Variants in MARS1 observed in about 807,000 individuals in gnomAD.
MARS1 encodes the protein methionyl-tRNA synthetase 1.
MARS1 carries 80 observed loss-of-function variants against 119.5 expected under a neutral mutation model. The observed-to-expected ratio is 0.67, with a 90% CI of 0.56 to 0.81. The LOEUF is 0.81. Ranked by LOEUF, MARS1 falls within the 30% of genes least tolerant of loss-of-function variation. The pLI, the probability that MARS1 is intolerant of heterozygous loss-of-function variation, is 0.00. For missense variants in MARS1, 945 were observed against 1,116.5 expected (o/e 0.85, Z 2.19); for synonymous variants, 418 against 433.4 (o/e 0.96, Z 0.44).
In MARS1 at chr12:57,516,344, A is replaced by C. The variant is rs1594838342; in HGVS notation, c.2556+7A>C. ...GGATGAAGTGACAAAACAAGTATGA[A>C]GCTTAAGCCCTGTGGGAGACTGGAC... On this transcript the variant is annotated splice_region_variant and intron_variant, in intron 20 of 20. Transcript: ENST00000262027. The C allele has an allele frequency of 6.2e-7, 1 of 1,614,154 alleles. No homozygotes were observed. The highest frequency in any genetic ancestry group is 2.2e-5 in the East Asian group (1 of 44,888).
intron 18 of MARS1, 90 bp from the exon 19 acceptor site, chr12:57,515,830 T>C (rs891020197): frequency 8.6e-6 from 8 of 925,144 alleles, no homozygotes; most frequent in Non-Finnish European, 1.4e-5. Context: ...CTAAAACACA[T>C]CAGAGATTGG....
At chr12:57,488,684 A>AT (rs1185385215) in intron 1 of MARS1, 32 of 1,538,078 alleles carry the variant, frequency 2.1e-5, no homozygotes, top group Non-Finnish European at 2.6e-5. Flanking sequence ...AGTTCTTTTA[A>AT]TTTTGTTCTC....
chr12:57,514,452 C>A (rs553808500), intron 15 of MARS1, among the ~76,000 whole-genome samples: 1 of 152,116 alleles, frequency 6.6e-6, no homozygotes, highest in African/African-American at 2.4e-5. Flanking sequence ...TGAGCCACTG[C>A]GCCCGGCCGA....
chr12:57,507,368 A>G (rs896837181), intron 11 of MARS1, among the ~76,000 whole-genome samples: 4 of 146,712 alleles, frequency 2.7e-5, no homozygotes, highest in South Asian at 2.2e-4. Context: ...GCTGTTGGGT[A>G]CACCTCCCAG....
intron 7 of MARS1, among the ~76,000 whole-genome samples, chr12:57,491,671 T>C (rs184117243): frequency 6.6e-6 from 1 of 152,296 alleles, no homozygotes. Context: ...TAGAATTCTA[T>C]CGATGGTTCC....
intron 9 of MARS1, chr12:57,500,032 A>G (rs936925858): frequency 5.0e-6 from 2 of 398,572 alleles, no homozygotes; most frequent in Non-Finnish European, 9.5e-6. Context: ...GTCCTATCCT[A>G]TTGGAGATTT....
At chr12:57,508,351 T>C (rs1877331858) in intron 11 of MARS1, among the ~76,000 whole-genome samples, 1 of 152,180 alleles carries the variant, frequency 6.6e-6, no homozygotes, top group South Asian at 2.1e-4. Context: ...ATCACACCAC[T>C]GCACTCCAGC....
intron 11 of MARS1, among the ~76,000 whole-genome samples, chr12:57,507,764 A>C (rs1316158001): frequency 9.6e-6 from 1 of 104,000 alleles, no homozygotes; most frequent in African/African-American, 4.0e-5. Context: ...CTGACCCCCC[A>C]CCTCCCTCCC....
At chr12:57,510,947 G>A (rs1235612751) in intron 11 of MARS1, among the ~76,000 whole-genome samples, 1 of 151,768 alleles carries the variant, frequency 6.6e-6, no homozygotes, top group Non-Finnish European at 1.5e-5. Context: ...GGTGGCACGT[G>A]CCTGTAGTGC....
chr12:57,488,409 A>C, intron 1 of MARS1: 1 of 742,246 alleles, frequency 1.3e-6, no homozygotes, highest in Non-Finnish European at 2.2e-6. Context: ...CCCTTCCCTT[A>C]TCTCTCTCCT....
In MARS1 at chr12:57,515,182, T is replaced by G. The variant is rs758918563; in HGVS notation, c.2237T>G (p.Val746Gly). The change falls in exon 18 of 21, where the codon GTG becomes GGG. Residue 746 changes from valine to glycine, a missense_variant. Coordinates refer to ENST00000262027, the MANE Select transcript of MARS1 (RefSeq NM_004990.4). ...GCAGGAACAGTGACTGGCTTGGCAG[T>G]GAATATAGCTGCCTTGCTCTCTGTC... ...QRAGTVTGLA[V>G]NIAALLSVML... 1.4e-5 allele frequency: 22 copies of G among 1,614,062 alleles called. No homozygotes were observed. Among genetic ancestry groups the G allele is most frequent in the Non-Finnish European group, 1.7e-5 (20 of 1,180,020 alleles).
chr12:57,498,413 C>T lies in MARS1; in HGVS notation c.888-7C>T, dbSNP rs754709899. On this transcript the variant is annotated splice_polypyrimidine_tract_variant and splice_region_variant and intron_variant, in intron 8 of 20. Transcript: ENST00000262027. ...GGCCCCCTAGCGATCACCATATTCC[C>T]TTGCAGGTACTCTCGCCTCCGCCAG... 4.8e-5 allele frequency: 77 copies of T among 1,613,266 alleles called. No homozygotes were observed. Among genetic ancestry groups the T allele is most frequent in the Non-Finnish European group, 6.4e-5 (75 of 1,179,856 alleles).
chr12:57,494,901 A>G (rs897313540), intron 7 of MARS1, among the ~76,000 whole-genome samples: 1 of 152,166 alleles, frequency 6.6e-6, no homozygotes, highest in African/African-American at 2.4e-5. Flanking sequence ...TCCTATGTCT[A>G]CTTCTTTCCA....
intron 7 of MARS1, among the ~76,000 whole-genome samples, chr12:57,496,628 T>C (rs181350174): frequency 6.6e-6 from 1 of 152,044 alleles, no homozygotes. Flanking sequence ...AATTTAAAAA[T>C]TATCCAGGCA....
At position 57,507,728 on chromosome 12, in the gene MARS1, G is replaced by A. The variant is rs1409329238; in HGVS notation, c.1368+3429G>A. Among the ~76,000 whole-genome samples the A allele has an allele frequency of 1.8e-4, 25 of 137,994 alleles. 2 individuals are homozygous for A. The highest frequency in any genetic ancestry group is 1.3e-4 in the African/African-American group (5 of 37,742). 90.5% of individuals were successfully genotyped at this position (137,994 alleles called of 152,430 possible). A position where few individuals can be genotyped will look rare whatever the true frequency, so the allele number is the denominator to read the frequency against. On this transcript the variant is annotated intron_variant, in intron 11 of 20. Coordinates refer to ENST00000262027, the MANE Select transcript of MARS1 (RefSeq NM_004990.4). ...GGGTCTGGCCCCCCACCTCCCTCCCGGACGGGGCGGCTGGCCGGGCGGGGG... is the reference window on the plus strand; with the variant it reads ...GGGTCTGGCCCCCCACCTCCCTCCCAGACGGGGCGGCTGGCCGGGCGGGGG...
intron 11 of MARS1, among the ~76,000 whole-genome samples, chr12:57,507,057 AC>A (rs1357466320): frequency 6.7e-6 from 1 of 149,074 alleles, no homozygotes; most frequent in African/African-American, 2.5e-5. Context: ...ATGACTCTTA[AC>A]GAGCATGCTG....
intron 1 of MARS1, chr12:57,488,759 G>A (rs1199676766): frequency 6.0e-6 from 7 of 1,165,808 alleles, no homozygotes; most frequent in Non-Finnish European, 8.7e-6. Flanking sequence ...GTTCTTGGCT[G>A]CAGCACTATC....
intron 18 of MARS1, among the ~76,000 whole-genome samples, 189 bp from the exon 19 acceptor site, chr12:57,515,731 C>T (rs12829556): frequency 0.031 from 4,693 of 152,262 alleles, 108 homozygotes; most frequent in Non-Finnish European, 0.042. Flanking sequence ...GAATCTTTGA[C>T]CCTACAAATT....
intron 10 of MARS1, among the ~76,000 whole-genome samples, chr12:57,503,169 C>T (rs1877011130): frequency 6.6e-6 from 1 of 152,082 alleles, no homozygotes; most frequent in Non-Finnish European, 1.5e-5. Context: ...ATCACCCTTC[C>T]ATGTTTATAT....
Sources: gnomAD v4.1 joint callset for allele counts (sites outside exome capture counted in the v4.1 genomes callset) on GRCh38, gnomAD v4.1.1 for gene constraint, MANE v1.5 for transcripts, NCBI Gene and HGNC (gene_info 2026-07-23, HGNC 2026-07-21) for gene names.